HIP1: variants seen among roughly 807,000 people sequenced by gnomAD.
HIP1 encodes huntingtin interacting protein 1.
HIP1 carries 65 observed loss-of-function variants against 147.6 expected under a neutral mutation model. The observed-to-expected ratio is 0.44, with a 90% CI of 0.36 to 0.54. The LOEUF (loss-of-function observed/expected upper bound fraction) is 0.54. Ranked by LOEUF, HIP1 falls within the 20% of genes least tolerant of loss-of-function variation. HIP1 has a pLI of 0.00. For synonymous variants in HIP1, 479 were observed against 504.0 expected (o/e 0.95, Z 0.67); for missense variants, 1,061 against 1,299.6 (o/e 0.82, Z 2.82).
Position 75,561,378 on chromosome 7 carries a change from T to C in HIP1, c.1142A>G (p.Tyr381Cys), listed in dbSNP as rs1584799552. 6.2e-7 allele frequency: 1 copy of C among 1,612,982 alleles called. No individual in the cohort carries two copies. The highest frequency in any genetic ancestry group is 1.7e-4 in the Middle Eastern group (1 of 6,060). The change falls in exon 13 of 31, where the codon TAC becomes TGC. Residue 381 changes from tyrosine (Y) to cysteine (C), a missense_variant. Around this residue, in one of 3 missense-constraint regions of HIP1, gnomAD observed 810 missense variants for 946.8 expected, o/e 0.86. Transcript: ENST00000336926. ...DEKDHLIERL[Y>C]REISGLKAQL... ...TGCCTTCAATCCACTGATCTCTCTG[T>C]ATAGTCGCTCAATTAAGTGGTCCCT...
chr7:75,646,644 C>T (rs1554511152), intron 1 of HIP1, among the ~76,000 whole-genome samples: 2 of 152,228 alleles, frequency 1.3e-5, no homozygotes, highest in African/African-American at 2.4e-5. Context: ...ATATCCGTGG[C>T]CCCCTTTCCC....
chr7:75,714,705 G>C (rs569130214), intron 1 of HIP1, among the ~76,000 whole-genome samples: 30 of 150,774 alleles, frequency 2.0e-4, no homozygotes, highest in African/African-American at 6.6e-4. Context: ...CACCTGCCTC[G>C]GCCTCCCAAA....
chr7:75,539,496 T>G (rs1389704857), intron 29 of HIP1, 65 bp from the exon 30 acceptor site: 2 of 1,329,506 alleles, frequency 1.5e-6, no homozygotes, highest in East Asian at 4.6e-5. Context: ...TTTATTTATT[T>G]TTTTATAGAG....
intron 9 of HIP1, among the ~76,000 whole-genome samples, chr7:75,566,316 C>T (rs781892105): frequency 6.6e-6 from 1 of 151,502 alleles, no homozygotes; most frequent in Non-Finnish European, 1.5e-5. Context: ...GCCACTGCAC[C>T]CGGCTGGTGT....
intron 13 of HIP1, 145 bp downstream of exon 13, chr7:75,561,184 C>G (rs1348253064): frequency 2.8e-6 from 2 of 717,104 alleles, no homozygotes; most frequent in Non-Finnish European, 5.1e-6. Context: ...GAACTCCCGA[C>G]CTCAGGTAAT....
chr7:75,554,262 G>A, intron 20 of HIP1, 42 bp from the exon 21 acceptor site: 1 of 1,528,216 alleles, frequency 6.5e-7, no homozygotes, highest in Non-Finnish European at 9.1e-7. Flanking sequence ...TCTGGTTGAT[G>A]GTGACACTTT....
At chr7:75,554,861 T>C (rs1367211404) in intron 19 of HIP1, among the ~76,000 whole-genome samples, 6 of 151,414 alleles carry the variant, frequency 4.0e-5, no homozygotes, top group Non-Finnish European at 7.4e-5. Flanking sequence ...GTTCAGAAGT[T>C]TGGGACCATC....
intron 1 of HIP1, among the ~76,000 whole-genome samples, chr7:75,669,450 TTA>T (rs1289455758): frequency 2.0e-5 from 3 of 151,748 alleles, no homozygotes; most frequent in African/African-American, 7.3e-5. Flanking sequence ...ATAATCTCAG[TTA>T]TTTGGAAGCT....
intron 28 of HIP1, among the ~76,000 whole-genome samples, chr7:75,542,615 T>C (rs1290561705): frequency 3.3e-5 from 5 of 150,770 alleles, no homozygotes; most frequent in African/African-American, 1.2e-4. Context: ...AGGAGAATCG[T>C]GTGAACCAGG....
intron 1 of HIP1, among the ~76,000 whole-genome samples, chr7:75,704,079 A>G (rs935771957): frequency 8.5e-5 from 13 of 152,124 alleles, no homozygotes; most frequent in African/African-American, 3.1e-4. Flanking sequence ...CAACCATAAA[A>G]TTGTCCCAAG....
intron 1 of HIP1, among the ~76,000 whole-genome samples, chr7:75,666,999 T>G (rs1447727998): frequency 6.6e-5 from 10 of 152,074 alleles, no homozygotes; most frequent in Non-Finnish European, 1.5e-4. Context: ...TGTATATATG[T>G]GTATATATAT....
intron 1 of HIP1, among the ~76,000 whole-genome samples, chr7:75,665,240 T>A (rs782574110): frequency 6.6e-6 from 1 of 151,944 alleles, no homozygotes; most frequent in South Asian, 2.1e-4. Context: ...CCAGCCTGGG[T>A]GACAGAGCAA....
intron 11 of HIP1, 63 bp from the exon 12 acceptor site, chr7:75,562,233 A>G: frequency 9.4e-7 from 1 of 1,066,322 alleles, no homozygotes; most frequent in Non-Finnish European, 1.5e-6. Flanking sequence ...TGTGTGGGTC[A>G]GTTGAGTGAT....
intron 1 of HIP1, among the ~76,000 whole-genome samples, chr7:75,710,422 A>G (rs1554520040): frequency 2.0e-5 from 3 of 152,124 alleles, no homozygotes; most frequent in African/African-American, 7.2e-5. Flanking sequence ...CTAATATTTT[A>G]TTGAAGATTT....
intron 8 of HIP1, among the ~76,000 whole-genome samples, chr7:75,569,426 A>C (rs2116871870): frequency 6.6e-6 from 1 of 152,162 alleles, no homozygotes; most frequent in Middle Eastern, 3.4e-3. Flanking sequence ...CAACATAGTG[A>C]GACCCCCATC....
In HIP1 at chr7:75,616,911, A is replaced by T. The variant is rs79454513; in HGVS notation, c.121-17664T>A. Among the ~76,000 whole-genome samples, 901 of 150,472 alleles carry T rather than the reference A, an allele frequency of 6.0e-3. 9 individuals are homozygous for T. The highest frequency in any genetic ancestry group is 0.02 in the African/African-American group (820 of 41,018). On this transcript the variant is annotated intron_variant, in intron 1 of 30. Coordinates refer to ENST00000336926, the MANE Select transcript of HIP1 (RefSeq NM_005338.7). ...CAACAGTAACTACATTTAGATGACT[A>T]TTTTTTTTTGTTTGGACAAGGTCTT... is the stretch of plus-strand genomic sequence containing the variant.
intron 7 of HIP1, among the ~76,000 whole-genome samples, chr7:75,579,145 A>C (rs1334677492): frequency 6.6e-6 from 1 of 151,882 alleles, no homozygotes; most frequent in Non-Finnish European, 1.5e-5. Context: ...AAATAAATGC[A>C]TCTACACCAC....
chr7:75,578,355 G>A (rs782551570), intron 7 of HIP1, among the ~76,000 whole-genome samples: 11 of 152,066 alleles, frequency 7.2e-5, no homozygotes, highest in Non-Finnish European at 1.6e-4. Context: ...TCTCACTCAC[G>A]CCTGCATTCA....
chr7:75,715,245 G>A (rs9769599), intron 1 of HIP1, among the ~76,000 whole-genome samples: 1,842 of 151,706 alleles, frequency 0.012, 35 homozygotes, highest in African/African-American at 0.041. Context: ...TAAAAACTTC[G>A]CTGGGCATGG....
Sources: gnomAD v4.1 joint callset for allele counts (sites outside exome capture counted in the v4.1 genomes callset) on GRCh38, gnomAD v4.1.1 for gene constraint, gnomAD v4.1.1 regional missense constraint, MANE v1.5 for transcripts, NCBI Gene and HGNC (gene_info 2026-07-23, HGNC 2026-07-21) for gene names.